SLC49A4: variants seen among roughly 807,000 people sequenced by gnomAD.
SLC49A4 encodes the protein disrupted in renal cancer protein 2.
Under a neutral mutation model 50.6 loss-of-function variants are expected in SLC49A4, and 36 were observed. The observed-to-expected ratio is 0.71, with a 90% CI of 0.55 to 0.94. The LOEUF (loss-of-function observed/expected upper bound fraction) is 0.94, where lower values mean the gene tolerates loss of function less well. SLC49A4 is among the 40% of genes least tolerant of loss of function. The pLI, the probability that SLC49A4 is intolerant of heterozygous loss-of-function variation, is 0.00. For missense variants in SLC49A4, 503 were observed against 605.7 expected (o/e 0.83, Z 1.78); for synonymous variants, 248 against 241.2 (o/e 1.03, Z -0.26).
chr3:122,829,834 T>C (rs1199657293), intron 3 of SLC49A4, among the ~76,000 whole-genome samples: 1 of 152,208 alleles, frequency 6.6e-6, no homozygotes, highest in Non-Finnish European at 1.5e-5. Context: ...TTTTTAAAAC[T>C]GTGCTGGAGG....
chr3:122,844,474 A>C (rs1410650544), intron 4 of SLC49A4, among the ~76,000 whole-genome samples: 1 of 152,214 alleles, frequency 6.6e-6, no homozygotes. Flanking sequence ...TATTATTCTT[A>C]TAAAAATAAA....
At chr3:122,874,301 T>C (rs1206750207) in intron 8 of SLC49A4, among the ~76,000 whole-genome samples, 2 of 152,172 alleles carry the variant, frequency 1.3e-5, no homozygotes, top group African/African-American at 4.8e-5. Flanking sequence ...GCATCTGGTG[T>C]CTGGAGTGAA....
chr3:122,820,788 T>G (rs1008278289), intron 2 of SLC49A4, among the ~76,000 whole-genome samples: 1 of 152,224 alleles, frequency 6.6e-6, no homozygotes. Flanking sequence ...TCCTCTCCTA[T>G]TCCTGCCACA....
chr3:122,819,397 C>G (rs1428662450), intron 2 of SLC49A4, among the ~76,000 whole-genome samples: 1 of 152,042 alleles, frequency 6.6e-6, no homozygotes, highest in Non-Finnish European at 1.5e-5. Context: ...ATATTATTTT[C>G]ACTGTATTTT....
intron 5 of SLC49A4, among the ~76,000 whole-genome samples, chr3:122,849,744 G>A (rs548443180): frequency 2.6e-5 from 4 of 152,058 alleles, no homozygotes; most frequent in South Asian, 2.1e-4. Context: ...CTTGTTGGAT[G>A]TATAGTTTGT....
chr3:122,879,344 A>C lies in SLC49A4; in HGVS notation c.1403A>C (p.Asp468Ala). Reference protein sequence around the residue: ...LLILCFRESYDRLYLDVVVSV With the variant: ...LLILCFRESYARLYLDVVVSV ...ATTCTGTGCTTCAGGGAATCCTATG[A>C]CAGACTCTATCTTGATGTGGTTGTC... is the stretch of plus-strand genomic sequence containing the variant. Residue 468 changes from aspartate to alanine, a missense_variant, in exon 9 of 9, where the codon GAC becomes GCC. Physicochemically the swap from Asp to Ala is moderately radical, Grantham distance 126 (BLOSUM62 -2). Transcript: ENST00000261038. 1 of 1,613,944 alleles carries C rather than the reference A, an allele frequency of 6.2e-7. No homozygotes were observed. The highest frequency in any genetic ancestry group is 8.5e-7 in the Non-Finnish European group (1 of 1,179,886).
chr3:122,855,440 T>C (rs1936975439), intron 5 of SLC49A4, among the ~76,000 whole-genome samples: 1 of 152,186 alleles, frequency 6.6e-6, no homozygotes, highest in African/African-American at 2.4e-5. Flanking sequence ...ATTGAGCACT[T>C]TACATTTATT....
chr3:122,860,232 T>A, intron 7 of SLC49A4, 30 bp downstream of exon 7: 1 of 1,553,854 alleles, frequency 6.4e-7, no homozygotes, highest in Non-Finnish European at 8.7e-7. Flanking sequence ...GAACTTTTAA[T>A]AAATATTTTC....
chr3:122,853,151 C>G (rs1219183828), intron 5 of SLC49A4, among the ~76,000 whole-genome samples: 1 of 152,184 alleles, frequency 6.6e-6, no homozygotes, highest in Non-Finnish European at 1.5e-5. Flanking sequence ...GGCGAGGGCT[C>G]ACTCTCTGCT....
Position 122,806,918 on chromosome 3 carries a change from C to T in SLC49A4, c.405C>T (p.Cys135=). 3.7e-6 allele frequency: 6 copies of T among 1,605,268 alleles called. No individual in the cohort carries two copies. The highest frequency in any genetic ancestry group is 5.1e-6 in the Non-Finnish European group (6 of 1,172,510). Residue 135 remains cysteine (C), a synonymous_variant, in exon 2 of 9, where the codon TGC becomes TGT. Transcript: ENST00000261038. ...TGGTTTTGGGAACTGGTCTAAGATG[C>T]ATACCTATATCAGACTTAATCCTTA... The part of the protein sequence containing the change: ...FLMVLGTGLR[C]IPISDLILKR...
chr3:122,850,753 A>G (rs1452794554), intron 5 of SLC49A4, among the ~76,000 whole-genome samples: 2 of 151,946 alleles, frequency 1.3e-5, no homozygotes, highest in African/African-American at 2.4e-5. Flanking sequence ...CAATCCTTAC[A>G]CTTTGGCCTC....
At chr3:122,801,606 A>G (rs906817915) in intron 1 of SLC49A4, among the ~76,000 whole-genome samples, 1 of 152,180 alleles carries the variant, frequency 6.6e-6, no homozygotes, top group Non-Finnish European at 1.5e-5. Flanking sequence ...CAAAAAAAGA[A>G]ATTGAGATTA....
At chr3:122,809,433 C>G (rs1401931448) in intron 2 of SLC49A4, among the ~76,000 whole-genome samples, 1 of 152,016 alleles carries the variant, frequency 6.6e-6, no homozygotes, top group Admixed American at 6.6e-5. Flanking sequence ...TTTAAAATGC[C>G]TATTAAGGCC....
rs773689315 is a variant in SLC49A4, at chr3:122,795,536, G to T, written c.343+1G>T. 2 of 1,589,588 alleles carry T rather than the reference G, an allele frequency of 1.3e-6. No homozygotes were observed. Among genetic ancestry groups the T allele is most frequent in the Non-Finnish European group, 1.7e-6 (2 of 1,174,814 alleles). On this transcript the variant is annotated splice_donor_variant, in intron 1 of 8. Transcript: ENST00000261038. LOFTEE classifies it high-confidence loss of function. ...TTCATGTGGCTCCTGGACAAGAGAG[G>T]TGAGGGGTCGCGGAGCGCCAGCCCG... is the stretch of plus-strand genomic sequence containing the variant.
intron 4 of SLC49A4, among the ~76,000 whole-genome samples, 156 bp from the exon 5 acceptor site, chr3:122,845,607 G>GTTTTT (rs35604258): frequency 1.1e-4 from 11 of 97,442 alleles, no homozygotes; most frequent in Non-Finnish European, 1.2e-4. Context: ...TTTCCAGCAC[G>GTTTTT]TTTTTTTTTT....
intron 2 of SLC49A4, among the ~76,000 whole-genome samples, chr3:122,808,099 A>C (rs1010411152): frequency 1.3e-5 from 2 of 151,848 alleles, no homozygotes; most frequent in African/African-American, 4.8e-5. Context: ...CTATGTGCCA[A>C]CCTCTTTGTG....
chr3:122,863,184 C>T (rs1026524297), intron 7 of SLC49A4, among the ~76,000 whole-genome samples: 5 of 152,334 alleles, frequency 3.3e-5, no homozygotes, highest in Admixed American at 2.0e-4. Flanking sequence ...CACTGGGTTA[C>T]GGACTAGATT....
chr3:122,814,875 G>A (rs897328019), intron 2 of SLC49A4, among the ~76,000 whole-genome samples: 1 of 151,844 alleles, frequency 6.6e-6, no homozygotes, highest in Non-Finnish European at 1.5e-5. Flanking sequence ...TCTTCTTCCA[G>A]TGTGGCCCAG....
chr3:122,861,253 G>A (rs569487147), intron 7 of SLC49A4, among the ~76,000 whole-genome samples: 12 of 152,276 alleles, frequency 7.9e-5, no homozygotes, highest in African/African-American at 2.6e-4. Flanking sequence ...TCCAGAGATT[G>A]TCATGAATAT....
Sources: allele counts gnomAD v4.1 joint callset (sites outside exome capture counted in the v4.1 genomes callset), GRCh38; gene constraint gnomAD v4.1.1; transcripts MANE v1.5; gene names NCBI Gene and HGNC (gene_info 2026-07-23, HGNC 2026-07-21).